The following DCUN1D1 variants were observed in gnomAD, a reference collection of about 807,000 sequenced individuals.
DCUN1D1 encodes DCN1-like protein 1.
Under a neutral mutation model 39.0 loss-of-function variants are expected in DCUN1D1, and 3 were observed. The observed-to-expected ratio is 0.08, with a 90% confidence interval of 0.04 to 0.20. The LOEUF (loss-of-function observed/expected upper bound fraction) is 0.20, where lower values mean the gene tolerates loss of function less well. Ranked by LOEUF, DCUN1D1 falls within the 10% of genes least tolerant of loss-of-function variation. The pLI is 1.00. For synonymous variants in DCUN1D1, 82 were observed against 96.3 expected (o/e 0.85, Z 0.87); for missense variants, 158 against 302.4 (o/e 0.52, Z 3.54).
At chr3:182,982,422 T>G (rs1728585745), upstream of DCUN1D1, among the ~76,000 whole-genome samples, 1 of 152,278 alleles carries the variant, frequency 6.6e-6, no homozygotes, top group Admixed American at 6.5e-5. Flanking sequence ...CTCATTCTGG[T>G]CATTTCACAG....
In DCUN1D1 at chr3:182,963,919, G is replaced by T. The variant is rs1405994082; in HGVS notation, c.351C>A (p.Phe117Leu). The stretch of plus-strand genomic sequence containing the variant: ...TGCCATCCATGAACTCCTGTTTGGA[G>T]AACTCGCACTGTGTTGCTGCTCTGA... ...WKFRAATQCE[F>L]SKQEFMDGMT... is the part of the protein sequence containing the mutation. The change falls in exon 3 of 7, where the codon TTC becomes TTA. Residue 117 changes from phenylalanine to leucine, a missense_variant. This residue lies in a region of DCUN1D1 where 107 missense variants were observed against 174.7 expected (regional missense o/e 0.61). Transcript: ENST00000292782. The T allele has an allele frequency of 6.2e-7, 1 of 1,613,036 alleles. No homozygotes were observed. The highest frequency in any genetic ancestry group is 8.5e-7 in the Non-Finnish European group (1 of 1,179,356).
In DCUN1D1 at chr3:182,949,043, C is replaced by T. The variant is rs541518575; in HGVS notation, c.521-1411G>A. 1.7e-4 allele frequency among the ~76,000 whole-genome samples: 25 copies of T among 144,380 alleles called. No individual in the cohort carries two copies. The East Asian group carries it at 3.8e-3, about 22-fold the overall frequency. 94.7% of individuals were successfully genotyped at this position (144,380 alleles called of 152,430 possible). The stretch of plus-strand genomic sequence containing the variant: ...AGTCTGGGCAAGAAAAGCAAAACTC[C>T]GTCTCAAAAAAAAAAAAAACAAGGA... On this transcript the variant is annotated intron_variant, in intron 4 of 6. Transcript: ENST00000292782.
At chr3:182,963,789 C>T in intron 3 of DCUN1D1, 92 bp downstream of exon 3, 4 of 1,106,302 alleles carry the variant, frequency 3.6e-6, no homozygotes, top group Non-Finnish European at 5.1e-6. Context: ...TGTTTGTGGG[C>T]CAGCAAATCT....
At chr3:182,985,226 C>G (rs964008310), upstream of DCUN1D1, among the ~76,000 whole-genome samples, 2 of 152,190 alleles carry the variant, frequency 1.3e-5, no homozygotes, top group Admixed American at 6.5e-5. Flanking sequence ...AAGCTCATAC[C>G]AAACTTACCA....
intron 4 of DCUN1D1, among the ~76,000 whole-genome samples, chr3:182,953,728 A>G (rs1445009998): frequency 6.6e-6 from 1 of 152,234 alleles, no homozygotes; most frequent in Admixed American, 6.5e-5. Flanking sequence ...GGTAACAAGA[A>G]GCAACAGCAG....
intron 4 of DCUN1D1, among the ~76,000 whole-genome samples, chr3:182,958,522 T>C (rs1021876280): frequency 7.9e-5 from 12 of 152,288 alleles, no homozygotes; most frequent in Non-Finnish European, 1.5e-4. Context: ...AACATTTTCA[T>C]TGTAGTTAAA....
intron 3 of DCUN1D1, among the ~76,000 whole-genome samples, chr3:182,961,596 G>A (rs911128904): frequency 2.2e-4 from 34 of 152,108 alleles, no homozygotes; most frequent in Admixed American, 1.8e-3. Context: ...CAGGCTATTC[G>A]TTTTAATTAC....
At position 182,961,101 on chromosome 3, in the gene DCUN1D1, C is replaced by CT. The variant is rs1239154132; in HGVS notation, c.520+124dup. On this transcript the variant is annotated intron_variant, in intron 4 of 6. Coordinates refer to ENST00000292782, the MANE Select transcript of DCUN1D1 (RefSeq NM_020640.4). ...ATTAAAAATTTCCTGTTTCTAATTA[C>CT]TTTTCAATAACTGGTATTTTCATGA... 21 of 717,894 alleles carry CT rather than the reference C, an allele frequency of 2.9e-5. No homozygotes were observed. In the African/African-American group the frequency reaches 3.7e-4, roughly 13 times the overall value. 44.5% of individuals were successfully genotyped at this position (717,894 alleles called of 1,614,324 possible).
intron 1 of DCUN1D1, among the ~76,000 whole-genome samples, chr3:182,966,260 G>A (rs1391028544): frequency 6.6e-6 from 1 of 152,094 alleles, no homozygotes; most frequent in Non-Finnish European, 1.5e-5. Context: ...GGAAGAGGGG[G>A]GATCCTCCCT....
intron 4 of DCUN1D1, among the ~76,000 whole-genome samples, chr3:182,954,529 T>C (rs1397198318): frequency 1.3e-5 from 2 of 152,212 alleles, no homozygotes; most frequent in Non-Finnish European, 1.5e-5. Flanking sequence ...TTCACCTGGC[T>C]GTATAAATGC....
At position 182,980,474 on chromosome 3, in the gene DCUN1D1, C is replaced by T. The variant is rs764482198; in HGVS notation, c.3+13G>A. The T allele has an allele frequency of 3.0e-5, 36 of 1,194,670 alleles. No individual in the cohort carries two copies. In the African/African-American group the frequency reaches 5.3e-4, roughly 18 times the overall value. The allele number at this position is 1,194,670 out of a possible 1,614,324, so 74.0% of individuals were successfully genotyped here. ...CCAGCCGGCAGGGCGGGCGGGCGGCCGCAGTGCCTCACCATGTTGGTGTCC... is the reference window on the plus strand; with the variant it reads ...CCAGCCGGCAGGGCGGGCGGGCGGCTGCAGTGCCTCACCATGTTGGTGTCC... On this transcript the variant is annotated intron_variant, in intron 1 of 6. Coordinates refer to ENST00000292782, the MANE Select transcript of DCUN1D1 (RefSeq NM_020640.4).
rs1469349560 is a variant in DCUN1D1, at chr3:182,969,359, A to G, written c.4-3606T>C. Among the ~76,000 whole-genome samples the G allele has an allele frequency of 6.6e-5, 10 of 152,328 alleles. No homozygotes were observed. The South Asian group carries it at 1.9e-3, about 28-fold the overall frequency. ...GGCACTAAAGATTTAAATTTTTATC[A>G]ACACAAGGAAGAGAAAAAGGTGACT... On this transcript the variant is annotated intron_variant, in intron 1 of 6. Coordinates refer to ENST00000292782, the MANE Select transcript of DCUN1D1 (RefSeq NM_020640.4).
intron 4 of DCUN1D1, chr3:182,955,589 G>C (rs564577719): frequency 6.3e-6 from 3 of 474,462 alleles, no homozygotes; most frequent in Non-Finnish European, 1.2e-5. Context: ...CCATCAGGAG[G>C]GTTTTTTTTT....
chr3:182,951,186 A>G (rs890938026), intron 4 of DCUN1D1, among the ~76,000 whole-genome samples: 1 of 152,114 alleles, frequency 6.6e-6, no homozygotes, highest in Non-Finnish European at 1.5e-5. Flanking sequence ...AAATGTTGTG[A>G]CTAAATATTT....
In DCUN1D1 at chr3:182,944,826, C is replaced by T. The variant is rs1726312913; in HGVS notation, c.*268G>A. ...CTTCTAAGACTTATGGGAGAATAAACTAGGATGGTCCACAGATATAAGATG... is the reference window on the plus strand; with the variant it reads ...CTTCTAAGACTTATGGGAGAATAAATTAGGATGGTCCACAGATATAAGATG... On this transcript the variant is annotated 3_prime_UTR_variant, in exon 7 of 7. Coordinates refer to ENST00000292782, the MANE Select transcript of DCUN1D1 (RefSeq NM_020640.4). 11 of 334,460 alleles carry T rather than the reference C, an allele frequency of 3.3e-5. No homozygotes were observed. In the East Asian group the frequency reaches 5.9e-4, roughly 18 times the overall value. 20.7% of individuals were successfully genotyped at this position (334,460 alleles called of 1,614,324 possible).
chr3:182,974,958 T>C (rs1408274959), intron 1 of DCUN1D1, among the ~76,000 whole-genome samples: 1 of 152,106 alleles, frequency 6.6e-6, no homozygotes, highest in African/African-American at 2.4e-5. Flanking sequence ...CAAGAGCTTG[T>C]TTCTGTCCAC....
intron 4 of DCUN1D1, among the ~76,000 whole-genome samples, chr3:182,959,501 CAAAAAAAAAA>C (rs11373344): frequency 4.9e-5 from 4 of 81,136 alleles, no homozygotes; most frequent in African/African-American, 1.9e-4. Flanking sequence ...CTTCAAAAAC[CAAAAAAAAAA>C]AAAAAAAAAA....
At chr3:182,974,871 T>A (rs1433028063) in intron 1 of DCUN1D1, among the ~76,000 whole-genome samples, 1 of 152,144 alleles carries the variant, frequency 6.6e-6, no homozygotes. Context: ...AAAGACTATT[T>A]CAGTGATTTT....
At chr3:182,970,975 T>C (rs1727906833) in intron 1 of DCUN1D1, among the ~76,000 whole-genome samples, 1 of 152,200 alleles carries the variant, frequency 6.6e-6, no homozygotes, top group South Asian at 2.1e-4. Flanking sequence ...AAAGTTCTAC[T>C]CCAGGAAAGT....
Sources: allele counts gnomAD v4.1 joint callset (sites outside exome capture counted in the v4.1 genomes callset), GRCh38; gene constraint gnomAD v4.1.1; regional missense constraint gnomAD v4.1.1; transcripts MANE v1.5; gene names NCBI Gene and HGNC (gene_info 2026-07-23, HGNC 2026-07-21).